Variants in LGR5 observed in about 807,000 individuals in gnomAD.
The protein encoded by LGR5 is leucine-rich repeat-containing G protein-coupled receptor 5.
LGR5 carries 54 observed loss-of-function variants against 76.7 expected under a neutral mutation model. That is an observed-to-expected ratio of 0.70 (90% confidence interval 0.57 to 0.88). The LOEUF (loss-of-function observed/expected upper bound fraction) is 0.88, where lower values mean the gene tolerates loss of function less well. Ranked by LOEUF, LGR5 falls within the 40% of genes least tolerant of loss-of-function variation. The pLI is 0.00. For synonymous variants in LGR5, 406 were observed against 421.9 expected, an observed-to-expected ratio of 0.96 and a Z score of 0.46; for missense variants, 1,078 against 1,073.3, an observed-to-expected ratio of 1.00 and a Z score of -0.06.
At chr12:71,563,121 C>T (rs564652487) in intron 8 of LGR5, among the ~76,000 whole-genome samples, 30 of 152,200 alleles carry the variant, frequency 2.0e-4, no homozygotes, top group African/African-American at 5.8e-4. Flanking sequence ...GAACTAGCGG[C>T]GCCAACCCCA....
chr12:71,481,338 C>G lies in LGR5; in HGVS notation c.213-23276C>G, dbSNP rs149385061. The stretch of plus-strand genomic sequence containing the variant: ...TTCAATTCCCACTTATGAGTGAGAA[C>G]ATGCAGTGTTTGGTTTTCTGATGTT... On this transcript the variant is annotated intron_variant, in intron 1 of 17. Transcript: ENST00000266674. 2.1e-3 allele frequency among the ~76,000 whole-genome samples: 313 copies of G among 152,124 alleles called. 2 individuals are homozygous for G. Among genetic ancestry groups the G allele is most frequent in the Non-Finnish European group, 3.7e-3 (250 of 68,000 alleles).
At chr12:71,556,104 T>C (rs987879457) in intron 5 of LGR5, among the ~76,000 whole-genome samples, 14 of 151,754 alleles carry the variant, frequency 9.2e-5, no homozygotes, top group African/African-American at 3.4e-4. Context: ...CACTTAGAAG[T>C]GGGAGTTAAA....
intron 1 of LGR5, among the ~76,000 whole-genome samples, chr12:71,472,212 T>C (rs1470696429): frequency 6.6e-6 from 1 of 152,224 alleles, no homozygotes; most frequent in Non-Finnish European, 1.5e-5. Context: ...ATAAGAATAC[T>C]TTTTACTTAC....
intron 3 of LGR5, among the ~76,000 whole-genome samples, chr12:71,532,796 A>ATTT (rs34973486): frequency 1.2e-4 from 17 of 146,172 alleles, no homozygotes; most frequent in Admixed American, 2.1e-4. Flanking sequence ...TCAAATGAAG[A>ATTT]TTTTTTTTTT....
At chr12:71,559,451 T>C in intron 6 of LGR5, 135 bp from the exon 7 acceptor site, 1 of 589,054 alleles carries the variant, frequency 1.7e-6, no homozygotes, top group Non-Finnish European at 3.0e-6. Context: ...AGAAAATCTC[T>C]TTCCATAAAG....
chr12:71,440,364 G>C lies in LGR5; in HGVS notation c.212+72G>C. On this transcript the variant is annotated intron_variant, in intron 1 of 17. Transcript: ENST00000266674. The surrounding 1 kb of genome is among the most constrained non-coding windows in gnomAD (Gnocchi z 5.3). ...GGAAGGTTCGTCCAAGGCGAGGCTG[G>C]AGGCTCCTCGGCGCCCGCCTGCTCG... The C allele has an allele frequency of 6.8e-7, 1 of 1,476,260 alleles. No individual in the cohort carries two copies. The highest frequency in any genetic ancestry group is 9.3e-7 in the Non-Finnish European group (1 of 1,077,170). The allele number at this position is 1,476,260 out of a possible 1,614,324, so 91.4% of individuals were successfully genotyped here.
At chr12:71,551,212 C>T (rs902900005) in intron 4 of LGR5, among the ~76,000 whole-genome samples, 1 of 152,222 alleles carries the variant, frequency 6.6e-6, no homozygotes, top group Non-Finnish European at 1.5e-5. Flanking sequence ...TGAGGCATCG[C>T]TTGTTCCTTC....
At chr12:71,553,348 C>T (rs1403283783) in intron 5 of LGR5, 60 bp downstream of exon 5, 1 of 1,408,346 alleles carries the variant, frequency 7.1e-7, no homozygotes, top group Non-Finnish European at 1.0e-6. Context: ...AAGACCTTGG[C>T]CTTAAAATGC....
chr12:71,466,145 G>A (rs1373222190), intron 1 of LGR5, among the ~76,000 whole-genome samples: 1 of 152,218 alleles, frequency 6.6e-6, no homozygotes, highest in African/African-American at 2.4e-5. Context: ...AAACTGCTAT[G>A]AGGATTATCC....
Position 71,440,008 on chromosome 12 carries a change from C to T in LGR5, c.-73C>T. 6.9e-7 allele frequency: 1 copy of T among 1,445,786 alleles called. No individual in the cohort carries two copies. Among genetic ancestry groups the T allele is most frequent in the Non-Finnish European group, 9.5e-7 (1 of 1,054,150 alleles). The allele number at this position is 1,445,786 out of a possible 1,614,324, so 89.6% of individuals were successfully genotyped here. On this transcript the variant is annotated 5_prime_UTR_variant, in exon 1 of 18. Transcript: ENST00000266674. This position sits in a 1 kb window ranked among gnomAD's most constrained non-coding sequence, Gnocchi z 5.3. Reference sequence around the variant, plus strand: ...CAGAAGCCCACGGAGCGGCGCCCGGCGCGCCACGGCCCGTAGCAGTCCGGT... The same window carrying T: ...CAGAAGCCCACGGAGCGGCGCCCGGTGCGCCACGGCCCGTAGCAGTCCGGT...
At chr12:71,476,008 A>C (rs2137251349) in intron 1 of LGR5, among the ~76,000 whole-genome samples, 1 of 152,250 alleles carries the variant, frequency 6.6e-6, no homozygotes, top group East Asian at 1.9e-4. Context: ...ATTGACACGC[A>C]GGGTTCCTCT....
chr12:71,476,154 G>A (rs1201918266), intron 1 of LGR5, among the ~76,000 whole-genome samples: 6 of 152,100 alleles, frequency 3.9e-5, no homozygotes, highest in Admixed American at 1.3e-4. Context: ...CCAGTGGTTC[G>A]CTGGAACACC....
At chr12:71,443,653 G>A (rs1871861972) in intron 1 of LGR5, among the ~76,000 whole-genome samples, 1 of 152,044 alleles carries the variant, frequency 6.6e-6, no homozygotes, top group Non-Finnish European at 1.5e-5. Flanking sequence ...CATCAAATGT[G>A]GACATTTTTA....
intron 4 of LGR5, among the ~76,000 whole-genome samples, chr12:71,539,070 C>G (rs902412423): frequency 6.6e-6 from 1 of 152,164 alleles, no homozygotes; most frequent in Non-Finnish European, 1.5e-5. Context: ...CAGATTTGTT[C>G]TGTGGGCCAG....
chr12:71,448,295 T>C (rs1482076528), intron 1 of LGR5: 1 of 152,212 alleles, frequency 6.6e-6, no homozygotes, highest in Non-Finnish European at 1.5e-5. Flanking sequence ...AAAATAACCT[T>C]TCTTTAATCA....
chr12:71,562,798 C>T (rs1878125955), intron 8 of LGR5, among the ~76,000 whole-genome samples: 1 of 152,112 alleles, frequency 6.6e-6, no homozygotes, highest in Non-Finnish European at 1.5e-5. Context: ...TCTAGGGGCA[C>T]TTCTCAGCAG....
At chr12:71,462,051 A>G (rs1161562835) in intron 1 of LGR5, among the ~76,000 whole-genome samples, 1 of 152,074 alleles carries the variant, frequency 6.6e-6, no homozygotes, top group Non-Finnish European at 1.5e-5. Flanking sequence ...TCAGCCTCCT[A>G]ATGGGTCTCC....
chr12:71,577,948 C>T lies in LGR5; in HGVS notation c.1232C>T (p.Ala411Val). 6.2e-7 allele frequency: 1 copy of T among 1,613,398 alleles called. No homozygotes were observed. The highest frequency in any genetic ancestry group is 8.5e-7 in the Non-Finnish European group (1 of 1,179,458). ...RSLNLAWNKIAIIHPNAFSTL... is the reference protein window; with the variant it reads ...RSLNLAWNKIVIIHPNAFSTL... ...AGGAATTTGGCTTGGAACAAAATTG[C>T]TATTATTCACCCCAATGCATTTTCC... Residue 411 changes from alanine to valine, a missense_variant, in exon 14 of 18, where the codon GCT (alanine) becomes GTT (valine). By Grantham distance (64) the Ala-to-Val change is moderately conservative. Transcript: ENST00000266674.
At chr12:71,499,912 G>A (rs951875242) in intron 1 of LGR5, among the ~76,000 whole-genome samples, 12 of 152,066 alleles carry the variant, frequency 7.9e-5, no homozygotes, top group African/African-American at 2.9e-4. Flanking sequence ...GACCCAGAAT[G>A]AGGAGACACA....
Sources: allele counts gnomAD v4.1 joint callset (sites outside exome capture counted in the v4.1 genomes callset), GRCh38; gene constraint gnomAD v4.1.1; non-coding constraint Gnocchi (gnomAD v3.1); transcripts MANE v1.5; gene names NCBI Gene and HGNC (gene_info 2026-07-23, HGNC 2026-07-21).